The following HSD17B6 variants were observed in gnomAD, a reference collection of about 807,000 sequenced individuals.
HSD17B6 encodes the protein hydroxysteroid 17-beta dehydrogenase 6.
HSD17B6 carries 16 observed loss-of-function variants against 26.4 expected under a neutral mutation model. The observed-to-expected ratio is 0.61, with a 90% confidence interval of 0.41 to 0.92. The LOEUF (loss-of-function observed/expected upper bound fraction) is 0.92. Ranked by LOEUF, HSD17B6 falls within the 40% of genes least tolerant of loss-of-function variation. The pLI, the probability that HSD17B6 is intolerant of heterozygous loss-of-function variation, is 0.00. For missense variants in HSD17B6, 357 were observed against 386.1 expected (o/e 0.92, Z 0.63); for synonymous variants, 139 against 153.0 (o/e 0.91, Z 0.68).
intron 1 of HSD17B6, among the ~76,000 whole-genome samples, chr12:56,767,139 C>A (rs146781636): frequency 1.7e-3 from 252 of 152,232 alleles, no homozygotes; most frequent in African/African-American, 5.8e-3. Context: ...CTACTATTCA[C>A]TCTGTTTCAC....
In HSD17B6 at chr12:56,766,325, C is replaced by T. The variant is rs979463932; in HGVS notation, c.-20+2911C>T. Among the ~76,000 whole-genome samples, 5 of 152,130 alleles carry T rather than the reference C, an allele frequency of 3.3e-5. No homozygotes were observed. In the South Asian group the frequency reaches 6.2e-4, roughly 19 times the overall value. Reference sequence around the variant, plus strand: ...TGGGACGCGTGTGACAAAAGGTAGTCGGAATCATCCAGAGTAGTCTTGTTG... The same window carrying T: ...TGGGACGCGTGTGACAAAAGGTAGTTGGAATCATCCAGAGTAGTCTTGTTG... On this transcript the variant is annotated intron_variant, in intron 1 of 4. Coordinates refer to ENST00000322165, the MANE Select transcript of HSD17B6 (RefSeq NM_003725.4).
chr12:56,769,927 CTG>C (rs1388461761), intron 1 of HSD17B6, among the ~76,000 whole-genome samples: 1 of 152,198 alleles, frequency 6.6e-6, no homozygotes, highest in Non-Finnish European at 1.5e-5. Flanking sequence ...CCCGGGGAAA[CTG>C]TGAGGGCCAA....
intron 1 of HSD17B6, among the ~76,000 whole-genome samples, chr12:56,764,068 C>CAAAAA (rs71081400): frequency 1.6e-3 from 117 of 74,262 alleles, no homozygotes; most frequent in African/African-American, 2.3e-3. Flanking sequence ...GACCGTGTCT[C>CAAAAA]AAAAAAAAAA....
chr12:56,781,003 A>C (rs150877012), intron 2 of HSD17B6, among the ~76,000 whole-genome samples: 2 of 152,176 alleles, frequency 1.3e-5, no homozygotes, highest in African/African-American at 4.8e-5. Flanking sequence ...TCTCATGGCA[A>C]ATCTGCTGGC....
At chr12:56,773,510 T>C (rs779690334) in intron 1 of HSD17B6, among the ~76,000 whole-genome samples, 1 of 152,256 alleles carries the variant, frequency 6.6e-6, no homozygotes, top group Non-Finnish European at 1.5e-5. Context: ...TGGAATGTTG[T>C]CATCCTTATC....
chr12:56,781,586 G>A (rs1954714287), intron 2 of HSD17B6, among the ~76,000 whole-genome samples: 1 of 152,054 alleles, frequency 6.6e-6, no homozygotes, highest in Admixed American at 6.6e-5. Flanking sequence ...GGTGGATCAC[G>A]AGGTCAAGAG....
intron 3 of HSD17B6, among the ~76,000 whole-genome samples, chr12:56,783,441 G>C (rs1414039475): frequency 7.0e-6 from 1 of 143,106 alleles, no homozygotes; most frequent in East Asian, 2.2e-4. Flanking sequence ...AGGGGCGGCC[G>C]GGCAGAGGTG....
chr12:56,774,280 A>T (rs578239665), intron 2 of HSD17B6, 115 bp downstream of exon 2: 74 of 904,628 alleles, frequency 8.2e-5, no homozygotes, highest in Non-Finnish European at 8.9e-5. Flanking sequence ...GGATACTAAA[A>T]TCCGAGGATG....
chr12:56,785,329 C>T (rs376181140), intron 4 of HSD17B6, among the ~76,000 whole-genome samples: 1 of 152,168 alleles, frequency 6.6e-6, no homozygotes, highest in African/African-American at 2.4e-5. Context: ...CCCACCAGGT[C>T]CCTCCCACGA....
intron 2 of HSD17B6, among the ~76,000 whole-genome samples, 154 bp from the exon 3 acceptor site, chr12:56,781,820 A>G (rs553475377): frequency 1.5e-4 from 23 of 152,216 alleles, no homozygotes; most frequent in Admixed American, 7.9e-4. Flanking sequence ...AGTTATATTT[A>G]GCAAACTTGT....
Position 56,784,968 on chromosome 12 carries a change from G to T in HSD17B6, c.688G>T (p.Ala230Ser), listed in dbSNP as rs1954843538. The change falls in exon 4 of 5, where the codon GCC becomes TCC. Residue 230 changes from alanine (A) to serine (S), a missense_variant. By Grantham distance (99) the Ala-to-Ser change is moderately conservative. Transcript: ENST00000322165. ...GCGAATGAAGCAAAGTTGGAAAGAA[G>T]CCCCCAAGCATATTAAGGAGACCTA... ...LERMKQSWKE[A>S]PKHIKETYGQ... The T allele has an allele frequency of 4.3e-6, 7 of 1,614,058 alleles. No homozygotes were observed. Among genetic ancestry groups the T allele is most frequent in the Non-Finnish European group, 5.9e-6 (7 of 1,180,008 alleles).
rs370297301 is a variant in HSD17B6 at position 56,787,210 on chromosome 12, G to A, written c.822G>A (p.Ser274=). The A allele has an allele frequency of 3.5e-4, 571 of 1,614,104 alleles. 5 individuals are homozygous for A. In the South Asian group the frequency reaches 5.7e-3, roughly 16 times the overall value. ...ACTGCATGGAACATGCTCTGACATCGGTGCATCCGCGAACTCGATATTCAG... is the reference window on the plus strand; with the variant it reads ...ACTGCATGGAACATGCTCTGACATCAGTGCATCCGCGAACTCGATATTCAG... The part of the protein sequence containing the change: ...VTDCMEHALT[S]VHPRTRYSAG... The change falls in exon 5 of 5, where the codon TCG becomes TCA. Residue 274 remains serine (S), a synonymous_variant. Coordinates refer to ENST00000322165, the MANE Select transcript of HSD17B6 (RefSeq NM_003725.4).
Position 56,773,864 on chromosome 12 carries a change from C to T in HSD17B6, c.12C>T (p.Tyr4=), listed in dbSNP as rs779894662. ...GAAGCACCCTCACTATGTGGCTCTACCTGGCGGCCTTCGTGGGCCTGTACT... is the reference window on the plus strand; with the variant it reads ...GAAGCACCCTCACTATGTGGCTCTATCTGGCGGCCTTCGTGGGCCTGTACT... MWL[Y]LAAFVGLYYL... is the part of the protein sequence containing the mutation. The change falls in exon 2 of 5, where the codon TAC becomes TAT. Residue 4 remains tyrosine (Y), a synonymous_variant. Transcript: ENST00000322165. 7 of 1,568,874 alleles carry T rather than the reference C, an allele frequency of 4.5e-6. No homozygotes were observed. Among genetic ancestry groups the T allele is most frequent in the South Asian group, 3.5e-5 (3 of 84,950 alleles).
At chr12:56,771,830 G>C (rs192181968) in intron 1 of HSD17B6, among the ~76,000 whole-genome samples, 29 of 152,204 alleles carry the variant, frequency 1.9e-4, no homozygotes, top group African/African-American at 7.0e-4. Context: ...ATCTTGAATT[G>C]TAATTCCTAG....
At chr12:56,786,077 C>G in intron 4 of HSD17B6, 1 of 345,532 alleles carries the variant, frequency 2.9e-6, no homozygotes, top group Non-Finnish European at 4.1e-6. Flanking sequence ...GATGATTGCA[C>G]AACTCTGAAT....
In HSD17B6 at chr12:56,774,056, G is replaced by A. The variant is rs1226480332; in HGVS notation, c.204G>A (p.Gln68=). 1.2e-6 allele frequency: 2 copies of A among 1,614,156 alleles called. No homozygotes were observed. The highest frequency in any genetic ancestry group is 2.2e-5 in the South Asian group (2 of 91,088). Residue 68 remains glutamine (Q), a synonymous_variant, in exon 2 of 5, where the codon CAG becomes CAA. Coordinates refer to ENST00000322165, the MANE Select transcript of HSD17B6 (RefSeq NM_003725.4). The part of the protein sequence containing the change: ...AACLTEKGAE[Q]LRGQTSDRLE... Reference sequence around the variant, plus strand: ...GTCTGACGGAGAAGGGGGCCGAGCAGCTGAGGGGCCAGACGTCTGACAGGC... The same window carrying A: ...GTCTGACGGAGAAGGGGGCCGAGCAACTGAGGGGCCAGACGTCTGACAGGC...
rs553610624 is a variant in HSD17B6 at position 56,776,121 on chromosome 12, T to G, written c.313+1956T>G. Among the ~76,000 whole-genome samples, 4 of 152,186 alleles carry G rather than the reference T, an allele frequency of 2.6e-5. No individual in the cohort carries two copies. In the South Asian group the frequency reaches 8.3e-4, roughly 32 times the overall value. ...TTATATTTTTAGTAGAGATGGGTTT[T>G]CACCATGTTGGCCAGGCTTGCCTCG... is the stretch of plus-strand genomic sequence containing the variant. On this transcript the variant is annotated intron_variant, in intron 2 of 4. Coordinates refer to ENST00000322165, the MANE Select transcript of HSD17B6 (RefSeq NM_003725.4).
At chr12:56,779,409 A>G (rs945071449) in intron 2 of HSD17B6, among the ~76,000 whole-genome samples, 3 of 152,192 alleles carry the variant, frequency 2.0e-5, no homozygotes, top group Non-Finnish European at 2.9e-5. Flanking sequence ...AAGTGTTGGG[A>G]TTACAGGCAT....
chr12:56,780,229 G>A (rs1954683501), intron 2 of HSD17B6, among the ~76,000 whole-genome samples: 1 of 152,048 alleles, frequency 6.6e-6, no homozygotes, highest in South Asian at 2.1e-4. Flanking sequence ...ATTTTTTGGG[G>A]GGTGTAAAAA....
Sources: gnomAD v4.1 joint callset for allele counts (sites outside exome capture counted in the v4.1 genomes callset) on GRCh38, gnomAD v4.1.1 for gene constraint, MANE v1.5 for transcripts, NCBI Gene and HGNC (gene_info 2026-07-23, HGNC 2026-07-21) for gene names.